Variants in STK24 observed in about 807,000 individuals in gnomAD.
The protein encoded by STK24 is serine/threonine kinase 24.
A neutral mutation model predicts 55.6 loss-of-function variants in STK24; 21 were observed. The ratio of observed to expected loss-of-function variants is 0.38; its 90% confidence interval spans 0.27 to 0.54. The LOEUF (loss-of-function observed/expected upper bound fraction) is 0.54, where lower values mean the gene tolerates loss of function less well. STK24 is among the 20% of genes least tolerant of loss of function. The pLI, the probability that STK24 is intolerant of heterozygous loss-of-function variation, is 0.79. For synonymous variants in STK24, 200 were observed against 215.2 expected, an observed-to-expected ratio of 0.93 and a Z score of 0.62; for missense variants, 383 against 538.4, an observed-to-expected ratio of 0.71 and a Z score of 2.86.
chr13:98,468,278 G>A (rs913557849), intron 5 of STK24, among the ~76,000 whole-genome samples: 16 of 152,212 alleles, frequency 1.1e-4, no homozygotes, highest in Non-Finnish European at 2.4e-4. Flanking sequence ...ACTAAATCTT[G>A]TACTGAAGGG....
chr13:98,482,028 C>T lies in STK24; in HGVS notation c.330+237G>A, dbSNP rs564603621. On this transcript the variant is annotated intron_variant, in intron 3 of 10. Coordinates refer to ENST00000539966, the MANE Select transcript of STK24 (RefSeq NM_001032296.4). ...GTAGCAGTGAGCTGAGATTGCGCCACTGCACTTCAGCCTGGGTAACAGGGC... is the reference window on the plus strand; with the variant it reads ...GTAGCAGTGAGCTGAGATTGCGCCATTGCACTTCAGCCTGGGTAACAGGGC... 1.3e-3 allele frequency among the ~76,000 whole-genome samples: 197 copies of T among 150,256 alleles called. 3 individuals are homozygous for T. In the South Asian group the frequency reaches 0.016, roughly 12 times the overall value.
At chr13:98,530,439 T>G (rs7323905) in intron 1 of STK24, among the ~76,000 whole-genome samples, 8,334 of 152,158 alleles carry the variant, frequency 0.055, 377 homozygotes, top group African/African-American at 0.12. Flanking sequence ...CTGGGCAGAA[T>G]GACACCATAA....
intron 3 of STK24, among the ~76,000 whole-genome samples, chr13:98,478,913 G>T (rs1200215596): frequency 3.9e-5 from 6 of 152,022 alleles, no homozygotes; most frequent in Admixed American, 3.9e-4. Flanking sequence ...TGTTTTCCTT[G>T]TAAGGAAGGA....
chr13:98,538,471 C>G (rs559382434), intron 1 of STK24, among the ~76,000 whole-genome samples: 1 of 151,914 alleles, frequency 6.6e-6, no homozygotes, highest in African/African-American at 2.4e-5. Flanking sequence ...GTGATCCTCC[C>G]GCCTTGGCCT....
In STK24 at chr13:98,452,258, T is replaced by C. The variant is rs1893235970; in HGVS notation, c.*915A>G. 6.6e-6 allele frequency: 1 copy of C among 152,304 alleles called. No homozygotes were observed. The highest frequency in any genetic ancestry group is 2.4e-5 in the African/African-American group (1 of 41,438). The allele number at this position is 152,304 out of a possible 1,614,324, so 9.4% of individuals were successfully genotyped here. On this transcript the variant is annotated 3_prime_UTR_variant, in exon 11 of 11. Transcript: ENST00000539966. The stretch of plus-strand genomic sequence containing the variant: ...TACAAGGTGCAACAGAAAATCGTAT[T>C]GGAAAGGACGGTACATCTGGCGCAG...
intron 1 of STK24, among the ~76,000 whole-genome samples, chr13:98,556,354 G>A (rs1182908111): frequency 2.0e-5 from 3 of 152,208 alleles, no homozygotes; most frequent in Non-Finnish European, 2.9e-5. Flanking sequence ...GCGGGCAGCC[G>A]CCTTTATCAT....
In STK24 at chr13:98,449,504, A is replaced by C. The variant is rs920639637; in HGVS notation, c.*3669T>G. 6.6e-6 allele frequency: 1 copy of C among 152,322 alleles called. No homozygotes were observed. Among genetic ancestry groups the C allele is most frequent in the African/African-American group, 2.4e-5 (1 of 41,364 alleles). 9.4% of individuals were successfully genotyped at this position (152,322 alleles called of 1,614,324 possible). A position where few individuals can be genotyped will look rare whatever the true frequency, so the allele number is the denominator to read the frequency against. ...GCCCTTTCTAACGAGAGTCTCAAAC[A>C]AGCGGAGGCGAGGGCCAATTCAACC... On this transcript the variant is annotated 3_prime_UTR_variant, in exon 11 of 11. Transcript: ENST00000539966.
At chr13:98,546,152 G>A (rs1033048969) in intron 1 of STK24, among the ~76,000 whole-genome samples, 2 of 152,202 alleles carry the variant, frequency 1.3e-5, no homozygotes, top group Non-Finnish European at 2.9e-5. Flanking sequence ...GCTGGGCAGG[G>A]TGCTGGGGTC....
chr13:98,547,007 G>A (rs558310891), intron 1 of STK24, among the ~76,000 whole-genome samples: 105 of 152,202 alleles, frequency 6.9e-4, no homozygotes, highest in African/African-American at 2.5e-3. Context: ...CGCTTCCCAG[G>A]TTCAAGCAAT....
rs1594555566 is a variant in STK24, at chr13:98,448,431, T to C, written c.*4742A>G. 1 of 850,296 alleles carries C rather than the reference T, an allele frequency of 1.2e-6. No homozygotes were observed. The highest frequency in any genetic ancestry group is 2.0e-6 in the Non-Finnish European group (1 of 511,032). 52.7% of individuals were successfully genotyped at this position (850,296 alleles called of 1,614,324 possible). Reference sequence around the variant, plus strand: ...CTGTCTGAAAATCAAAAACATGGCTTCCCAGCAGCTCTCCTGTCTCCACAG... The same window carrying C: ...CTGTCTGAAAATCAAAAACATGGCTCCCCAGCAGCTCTCCTGTCTCCACAG... On this transcript the variant is annotated 3_prime_UTR_variant, in exon 11 of 11. Transcript: ENST00000539966.
chr13:98,565,972 T>G (rs991232834), intron 1 of STK24, among the ~76,000 whole-genome samples: 1 of 152,222 alleles, frequency 6.6e-6, no homozygotes, highest in Admixed American at 6.5e-5. Context: ...CAGGGCTCCC[T>G]CTGCTCCAGC....
At position 98,452,928 on chromosome 13, in the gene STK24, A is replaced by C. The variant is rs1893264865; in HGVS notation, c.*245T>G. ...TGCACTATGGTTAAAATTAAAAACA[A>C]AAGTAATAAAATAAAATAAAATGAT... On this transcript the variant is annotated 3_prime_UTR_variant, in exon 11 of 11. Coordinates refer to ENST00000539966, the MANE Select transcript of STK24 (RefSeq NM_001032296.4). The C allele has an allele frequency of 1.2e-5, 5 of 426,852 alleles. No homozygotes were observed. The highest frequency in any genetic ancestry group is 2.1e-5 in the Non-Finnish European group (5 of 242,306). 26.4% of individuals were successfully genotyped at this position (426,852 alleles called of 1,614,324 possible). A position where few individuals can be genotyped will look rare whatever the true frequency, so the allele number is the denominator to read the frequency against.
intron 2 of STK24, among the ~76,000 whole-genome samples, chr13:98,503,551 T>C (rs1895569785): frequency 6.6e-6 from 1 of 152,210 alleles, no homozygotes; most frequent in Non-Finnish European, 1.5e-5. Context: ...GGGCAAGGAC[T>C]GCGGACAGCT....
At position 98,482,018 on chromosome 13, in the gene STK24, G is replaced by C. The variant is rs989095799; in HGVS notation, c.330+247C>G. Reference sequence around the variant, plus strand: ...GGAAGTAGAGGTAGCAGTGAGCTGAGATTGCGCCACTGCACTTCAGCCTGG... The same window carrying C: ...GGAAGTAGAGGTAGCAGTGAGCTGACATTGCGCCACTGCACTTCAGCCTGG... On this transcript the variant is annotated intron_variant, in intron 3 of 10. Transcript: ENST00000539966. Among the ~76,000 whole-genome samples, 54 of 150,640 alleles carry C rather than the reference G, an allele frequency of 3.6e-4. 1 individual carries two copies. The highest frequency in any genetic ancestry group is 1.2e-3 in the African/African-American group (51 of 40,834).
chr13:98,490,907 G>A (rs1895005222), intron 2 of STK24, among the ~76,000 whole-genome samples: 1 of 152,008 alleles, frequency 6.6e-6, no homozygotes, highest in Admixed American at 6.5e-5. Flanking sequence ...AACCTGAGGA[G>A]GCTTCCCACA....
At chr13:98,545,243 G>C (rs911241639) in intron 1 of STK24, among the ~76,000 whole-genome samples, 8 of 152,216 alleles carry the variant, frequency 5.3e-5, no homozygotes, top group Non-Finnish European at 8.8e-5. Context: ...TGTTCTCTCT[G>C]TTTTTCTGCA....
At chr13:98,549,511 G>A (rs944865464) in intron 1 of STK24, among the ~76,000 whole-genome samples, 1 of 152,148 alleles carries the variant, frequency 6.6e-6, no homozygotes, top group African/African-American at 2.4e-5. Flanking sequence ...GATCCCTCGC[G>A]GCTTGGTGCT....
At chr13:98,561,960 A>G (rs1417211452) in intron 1 of STK24, among the ~76,000 whole-genome samples, 20 of 144,970 alleles carry the variant, frequency 1.4e-4, no homozygotes, top group Non-Finnish European at 1.5e-4. Context: ...CTGGGTCAAC[A>G]GAGTGAGACT....
rs75537029 is a variant in STK24 at position 98,506,111 on chromosome 13, A to C, written c.273+13132T>G. Among the ~76,000 whole-genome samples, 1,287 of 152,346 alleles carry C rather than the reference A, an allele frequency of 8.4e-3. 23 individuals are homozygous for C. The highest frequency in any genetic ancestry group is 0.029 in the African/African-American group (1,188 of 41,570). Reference sequence around the variant, plus strand: ...GACAAAAGGACTCGCCAAAACACCAATTAAGTTTTACGTCTAGTAGCTTTT... The same window carrying C: ...GACAAAAGGACTCGCCAAAACACCACTTAAGTTTTACGTCTAGTAGCTTTT... On this transcript the variant is annotated intron_variant, in intron 2 of 10. Coordinates refer to ENST00000539966, the MANE Select transcript of STK24 (RefSeq NM_001032296.4).
Sources: allele counts gnomAD v4.1 joint callset (sites outside exome capture counted in the v4.1 genomes callset), GRCh38; gene constraint gnomAD v4.1.1; transcripts MANE v1.5; gene names NCBI Gene and HGNC (gene_info 2026-07-23, HGNC 2026-07-21).